The following ZNF407 variants were observed in gnomAD, a reference collection of about 807,000 sequenced individuals.
ZNF407 encodes zinc finger protein 407.
In ZNF407, 17 loss-of-function variants were observed where a neutral mutation model predicts 131.2. The observed-to-expected ratio is 0.13, with a 90% CI of 0.09 to 0.19. The LOEUF (loss-of-function observed/expected upper bound fraction) is 0.19, where lower values mean the gene tolerates loss of function less well. Among genes scored for constraint, ZNF407 ranks in the 10% least tolerant of loss-of-function variants. The pLI, the probability that ZNF407 is intolerant of heterozygous loss-of-function variation, is 1.00. For synonymous variants in ZNF407, 1,156 were observed against 1,062.0 expected, an observed-to-expected ratio of 1.09 and a Z score of -1.72; for missense variants, 2,681 against 2,830.6, an observed-to-expected ratio of 0.95 and a Z score of 1.20.
chr18:74,732,397 A>G (rs145743746), intron 3 of ZNF407, among the ~76,000 whole-genome samples: 1 of 152,256 alleles, frequency 6.6e-6, no homozygotes, highest in African/African-American at 2.4e-5. Context: ...GTGGACATGA[A>G]CATCTGTCTT....
chr18:74,623,192 GTC>G (rs1357614933), intron 1 of ZNF407, among the ~76,000 whole-genome samples: 2 of 151,830 alleles, frequency 1.3e-5, no homozygotes, highest in African/African-American at 4.8e-5. Flanking sequence ...ATCCGTGTGT[GTC>G]TGTATGTCTG....
chr18:74,778,457 T>C (rs933606020), intron 3 of ZNF407, among the ~76,000 whole-genome samples: 3 of 152,212 alleles, frequency 2.0e-5, no homozygotes, highest in Non-Finnish European at 4.4e-5. Context: ...CTCCTACCAC[T>C]TGACATTGCT....
intron 3 of ZNF407, among the ~76,000 whole-genome samples, chr18:74,664,702 GTCTCTCTCTCTCTT>G (rs1367397130): frequency 3.3e-5 from 5 of 151,728 alleles, no homozygotes; most frequent in South Asian, 2.1e-4. Context: ...CTGTCTCTCT[GTCTCTCTCTCTCTT>G]TCTCTCTCTT....
rs1043331646 is a variant in ZNF407, at chr18:74,951,087, C to T, written c.5428+30395C>T. Among the ~76,000 whole-genome samples the T allele has an allele frequency of 3.3e-5, 5 of 152,280 alleles. No individual in the cohort carries two copies. In the South Asian group the frequency reaches 6.2e-4, roughly 19 times the overall value. On this transcript the variant is annotated intron_variant, in intron 8 of 8. Transcript: ENST00000299687. Reference sequence around the variant, plus strand: ...AGTCTTAGTTCCCTTCATGTGGTAGCAGGGCAGCACACAAGAGTCTAAATA... The same window carrying T: ...AGTCTTAGTTCCCTTCATGTGGTAGTAGGGCAGCACACAAGAGTCTAAATA...
At chr18:74,639,954 C>T (rs1984634130) in intron 2 of ZNF407, among the ~76,000 whole-genome samples, 1 of 151,634 alleles carries the variant, frequency 6.6e-6, no homozygotes, top group Admixed American at 6.6e-5. Context: ...AATTTGAGCT[C>T]TTTTTGTATA....
At chr18:74,899,283 A>C (rs1971492426) in intron 7 of ZNF407, among the ~76,000 whole-genome samples, 1 of 152,240 alleles carries the variant, frequency 6.6e-6, no homozygotes, top group African/African-American at 2.4e-5. Flanking sequence ...GCAAAGGTAC[A>C]CGCAGAAAAT....
At chr18:74,645,598 GA>G (rs1291426840) in intron 3 of ZNF407, among the ~76,000 whole-genome samples, 9 of 151,430 alleles carry the variant, frequency 5.9e-5, no homozygotes, top group Non-Finnish European at 2.9e-5. Context: ...GTTGGTTTAA[GA>G]AATCTTAAAT....
intron 3 of ZNF407, among the ~76,000 whole-genome samples, chr18:74,685,448 T>C (rs551887387): frequency 2.0e-5 from 3 of 152,258 alleles, no homozygotes; most frequent in Admixed American, 2.0e-4. Context: ...TGACCCTCTG[T>C]CCTCCCTCCT....
chr18:74,888,367 A>G (rs1399376018), intron 6 of ZNF407, among the ~76,000 whole-genome samples: 2 of 152,164 alleles, frequency 1.3e-5, no homozygotes, highest in African/African-American at 4.8e-5. Flanking sequence ...TAACAGGTGT[A>G]AACATTTTTA....
intron 1 of ZNF407, among the ~76,000 whole-genome samples, chr18:74,601,855 C>G (rs1403127397): frequency 6.6e-6 from 1 of 152,056 alleles, no homozygotes; most frequent in African/African-American, 2.4e-5. Flanking sequence ...CAAACTGTTT[C>G]GAGGGGAATC....
At chr18:74,793,222 G>A (rs1969858346) in intron 4 of ZNF407, among the ~76,000 whole-genome samples, 1 of 152,196 alleles carries the variant, frequency 6.6e-6, no homozygotes, top group African/African-American at 2.4e-5. Flanking sequence ...TCCAACTGCT[G>A]GAGTTGGTGT....
At chr18:74,852,441 G>A (rs1377645415) in intron 4 of ZNF407, among the ~76,000 whole-genome samples, 2 of 151,762 alleles carry the variant, frequency 1.3e-5, no homozygotes, top group Non-Finnish European at 2.9e-5. Flanking sequence ...AGTTAAATTT[G>A]GAACAAAATC....
At chr18:74,723,441 T>C (rs891557071) in intron 3 of ZNF407, among the ~76,000 whole-genome samples, 1 of 152,252 alleles carries the variant, frequency 6.6e-6, no homozygotes, top group African/African-American at 2.4e-5. Context: ...ATGTTTTCAT[T>C]TTAGCAGACA....
chr18:74,953,023 A>T (rs1385550807), intron 8 of ZNF407, among the ~76,000 whole-genome samples: 1 of 152,166 alleles, frequency 6.6e-6, no homozygotes, highest in South Asian at 2.1e-4. Context: ...GCATGTAGAG[A>T]TGTTTCTTCT....
chr18:74,715,053 T>G (rs1967861628), intron 3 of ZNF407, among the ~76,000 whole-genome samples: 1 of 152,210 alleles, frequency 6.6e-6, no homozygotes, highest in Non-Finnish European at 1.5e-5. Flanking sequence ...GTGCTTTTCC[T>G]TACAAAACCT....
At chr18:74,974,216 T>C (rs1217551955) in intron 8 of ZNF407, among the ~76,000 whole-genome samples, 1 of 152,230 alleles carries the variant, frequency 6.6e-6, no homozygotes, top group African/African-American at 2.4e-5. Context: ...CTTGGTCCTG[T>C]CGTATTAAAC....
chr18:74,769,086 C>T (rs1969307446), intron 3 of ZNF407, among the ~76,000 whole-genome samples: 1 of 152,236 alleles, frequency 6.6e-6, no homozygotes, highest in East Asian at 1.9e-4. Context: ...TAAGTCTTCG[C>T]CTTACCTCAT....
intron 4 of ZNF407, among the ~76,000 whole-genome samples, chr18:74,796,729 G>T (rs747063820): frequency 1.4e-4 from 21 of 151,954 alleles, no homozygotes; most frequent in Admixed American, 1.4e-3. Context: ...AAAAATGCAC[G>T]CTCGAAGCTT....
chr18:74,638,004 A>T (rs575727895), intron 2 of ZNF407, among the ~76,000 whole-genome samples: 2 of 152,124 alleles, frequency 1.3e-5, no homozygotes, highest in African/African-American at 4.8e-5. Flanking sequence ...GGACTAAAAA[A>T]CTTCGTTTTC....
Sources: allele counts gnomAD v4.1 joint callset (sites outside exome capture counted in the v4.1 genomes callset), GRCh38; gene constraint gnomAD v4.1.1; transcripts MANE v1.5; gene names NCBI Gene and HGNC (gene_info 2026-07-23, HGNC 2026-07-21).